The following PRELID2 variants were observed in gnomAD, a reference collection of about 807,000 sequenced individuals.
PRELID2 encodes PRELI domain containing 2.
PRELID2 carries 25 observed loss-of-function variants against 28.4 expected under a neutral mutation model. The observed-to-expected ratio is 0.88, with a 90% CI of 0.64 to 1.23. The LOEUF (loss-of-function observed/expected upper bound fraction) is 1.23. Among genes scored for constraint, PRELID2 ranks in the 50% most tolerant of loss-of-function variants. The probability of loss-of-function intolerance (pLI) is 0.00; values close to 1 mark genes in which losing one functional copy is unlikely to be tolerated. For synonymous variants in PRELID2, 76 were observed against 71.6 expected, an observed-to-expected ratio of 1.06 and a Z score of -0.31; for missense variants, 201 against 214.4, an observed-to-expected ratio of 0.94 and a Z score of 0.39.
At chr5:145,454,909 TTTTCTCCCA>T in the PRELID2 span, among the ~76,000 whole-genome samples, 1 of 152,172 alleles carries the variant, frequency 6.6e-6, no homozygotes, top group Non-Finnish European at 1.5e-5. Context: ...ATTGCAAAAA[TTTTCTCCCA>T]TTCTGTAGGT....
chr5:145,452,882 C>T, the PRELID2 span, among the ~76,000 whole-genome samples: 2 of 152,178 alleles, frequency 1.3e-5, no homozygotes, highest in East Asian at 3.9e-4. Flanking sequence ...ATATAAGGGG[C>T]CATTTCCTGG....
chr5:145,831,968 T>C (rs1755619041), intron 1 of PRELID2, among the ~76,000 whole-genome samples: 1 of 152,162 alleles, frequency 6.6e-6, no homozygotes, highest in African/African-American at 2.4e-5. Context: ...CACAGAATTG[T>C]GAAAATTAAA....
intron 1 of PRELID2, among the ~76,000 whole-genome samples, chr5:145,634,551 A>C (rs1267975564): frequency 6.6e-6 from 1 of 152,162 alleles, no homozygotes; most frequent in East Asian, 1.9e-4. Context: ...ACTCCAAGTC[A>C]GTTCCTTAGA....
intron 1 of PRELID2, among the ~76,000 whole-genome samples, chr5:145,742,953 C>A (rs751315846): frequency 1.2e-4 from 19 of 152,014 alleles, no homozygotes; most frequent in Non-Finnish European, 2.8e-4. Context: ...TTGACCAAAA[C>A]TTGACAACTT....
Position 145,596,099 on chromosome 5 carries a change from C to CAAAAAAAAAAAAAAAAAAA in PRELID2, n.71-122803_71-122785dup, listed in dbSNP as rs552746530. Among the ~76,000 whole-genome samples, 46 of 43,968 alleles carry CAAAAAAAAAAAAAAAAAAA rather than the reference C, an allele frequency of 1.0e-3. 5 individuals are homozygous for CAAAAAAAAAAAAAAAAAAA. The highest frequency in any genetic ancestry group is 3.8e-3 in the African/African-American group (40 of 10,398). 28.8% of individuals were successfully genotyped at this position (43,968 alleles called of 152,430 possible). ...TGGGTGACAGAGTGAGAGCCTGTCTCAAAAAAAAAAAAAAAAAAAAGTCTG... is the reference window on the plus strand; with the variant it reads ...TGGGTGACAGAGTGAGAGCCTGTCTCAAAAAAAAAAAAAAAAAAAAAAAAAAAAAAAAAAAAAAAGTCTG... On this transcript the variant is annotated intron_variant and non_coding_transcript_variant, in intron 1 of 2. Transcript: ENST00000510259.
At chr5:145,725,399 AATAG>A (rs1441039314) in intron 1 of PRELID2, among the ~76,000 whole-genome samples, 7 of 152,180 alleles carry the variant, frequency 4.6e-5, no homozygotes, top group African/African-American at 1.7e-4. Flanking sequence ...GTATACATGG[AATAG>A]AAACCAGTAT....
chr5:145,367,082 T>C, the PRELID2 span, among the ~76,000 whole-genome samples: 1 of 151,844 alleles, frequency 6.6e-6, no homozygotes, highest in Non-Finnish European at 1.5e-5. Flanking sequence ...CCTCAAAGCT[T>C]TCCTCTAGAT....
intron 1 of PRELID2, among the ~76,000 whole-genome samples, chr5:145,532,197 G>C (rs1263830611): frequency 6.6e-6 from 1 of 151,988 alleles, no homozygotes; most frequent in Non-Finnish European, 1.5e-5. Context: ...ATCCCACCCA[G>C]ACCATTCATT....
intron 1 of PRELID2, among the ~76,000 whole-genome samples, chr5:145,539,971 C>T (rs1752732558): frequency 6.6e-6 from 1 of 151,500 alleles, no homozygotes. Flanking sequence ...TGTCGCTTTT[C>T]TTATTTTTTT....
intron 1 of PRELID2, among the ~76,000 whole-genome samples, chr5:145,509,784 G>A (rs1419943619): frequency 6.6e-6 from 1 of 152,126 alleles, no homozygotes; most frequent in African/African-American, 2.4e-5. Context: ...GGAAATGGTT[G>A]CTCTGACACA....
the PRELID2 span, among the ~76,000 whole-genome samples, chr5:145,360,210 C>A: frequency 6.6e-6 from 1 of 152,080 alleles, no homozygotes; most frequent in South Asian, 2.1e-4. Context: ...AGACTCACCC[C>A]CAAGGGTACT....
At chr5:145,562,683 C>T (rs886081884) in intron 1 of PRELID2, among the ~76,000 whole-genome samples, 2 of 151,850 alleles carry the variant, frequency 1.3e-5, no homozygotes, top group East Asian at 3.9e-4. Context: ...AGCATTTGCA[C>T]TGAGGCAAAA....
At chr5:145,522,394 G>GACAC (rs201678494) in intron 1 of PRELID2, among the ~76,000 whole-genome samples, 16 of 150,746 alleles carry the variant, frequency 1.1e-4, no homozygotes, top group South Asian at 6.3e-4. Flanking sequence ...TATAGATACA[G>GACAC]AGACACACAC....
chr5:145,653,109 T>A (rs1014216970), intron 1 of PRELID2, among the ~76,000 whole-genome samples: 1 of 152,160 alleles, frequency 6.6e-6, no homozygotes, highest in African/African-American at 2.4e-5. Context: ...TCCTAGTCTC[T>A]GATAAAACAG....
chr5:145,430,326 T>C, the PRELID2 span, among the ~76,000 whole-genome samples: 2 of 152,182 alleles, frequency 1.3e-5, no homozygotes, highest in African/African-American at 4.8e-5. Context: ...CTGTAACAAA[T>C]TTCTTTGGCT....
chr5:145,412,971 G>A, the PRELID2 span, among the ~76,000 whole-genome samples: 5 of 152,148 alleles, frequency 3.3e-5, no homozygotes, highest in South Asian at 1.0e-3. Flanking sequence ...AGAACCGCAT[G>A]GGGGAAACCA....
chr5:145,355,321 A>G, the PRELID2 span, among the ~76,000 whole-genome samples: 1 of 152,178 alleles, frequency 6.6e-6, no homozygotes, highest in Non-Finnish European at 1.5e-5. Context: ...CTCATGTGTA[A>G]TTTAGTTAAT....
chr5:145,461,040 G>A, the PRELID2 span, among the ~76,000 whole-genome samples: 14 of 152,222 alleles, frequency 9.2e-5, no homozygotes, highest in South Asian at 8.3e-4. Flanking sequence ...AATTGATAAC[G>A]GATGGAGATA....
chr5:145,739,828 T>C (rs1581119868), intron 1 of PRELID2, among the ~76,000 whole-genome samples: 1 of 151,660 alleles, frequency 6.6e-6, no homozygotes, highest in East Asian at 1.9e-4. Context: ...CCTAATTTTT[T>C]TAAAAAACTG....
Sources: gnomAD v4.1 joint callset for allele counts (sites outside exome capture counted in the v4.1 genomes callset) on GRCh38, gnomAD v4.1.1 for gene constraint, MANE v1.5 for transcripts, NCBI Gene and HGNC (gene_info 2026-07-23, HGNC 2026-07-21) for gene names.